The following SPAG16 variants were observed in gnomAD, a reference collection of about 807,000 sequenced individuals.
The protein encoded by SPAG16 is sperm-associated antigen 16 protein.
In SPAG16, 86 loss-of-function variants were observed where a neutral mutation model predicts 80.4. That is an observed-to-expected ratio of 1.07 (90% CI 0.90 to 1.28). The LOEUF (loss-of-function observed/expected upper bound fraction) is 1.28, where lower values mean the gene tolerates loss of function less well. Ranked by LOEUF, SPAG16 falls within the 50% of genes most tolerant of loss-of-function variation. SPAG16 has a pLI of 0.00. For missense variants in SPAG16, 870 were observed against 765.3 expected, an observed-to-expected ratio of 1.14 and a Z score of -1.61; for synonymous variants, 294 against 265.9, an observed-to-expected ratio of 1.11 and a Z score of -1.03.
At chr2:214,323,594 C>T (rs1369967339) in intron 15 of SPAG16, among the ~76,000 whole-genome samples, 3 of 152,130 alleles carry the variant, frequency 2.0e-5, no homozygotes, top group East Asian at 3.8e-4. Context: ...AGGTGTAGTA[C>T]TTAATGAACT....
At chr2:214,091,715 C>T (rs942608754) in intron 13 of SPAG16, among the ~76,000 whole-genome samples, 4 of 152,054 alleles carry the variant, frequency 2.6e-5, no homozygotes, top group Non-Finnish European at 5.9e-5. Flanking sequence ...TTTACTTATG[C>T]ATTTAAATAT....
At chr2:213,476,732 G>T (rs1419416459) in intron 9 of SPAG16, among the ~76,000 whole-genome samples, 1 of 152,194 alleles carries the variant, frequency 6.6e-6, no homozygotes, top group Non-Finnish European at 1.5e-5. Context: ...GTGAGCAGGA[G>T]GGAGCGGGGC....
intron 10 of SPAG16, among the ~76,000 whole-genome samples, chr2:213,592,467 A>C (rs2060731383): frequency 6.6e-6 from 1 of 152,240 alleles, no homozygotes; most frequent in Admixed American, 6.5e-5. Flanking sequence ...TTAGTAAATC[A>C]AACTATTGGT....
chr2:214,096,267 G>T (rs1033924618), intron 13 of SPAG16, among the ~76,000 whole-genome samples: 2 of 136,946 alleles, frequency 1.5e-5, no homozygotes, highest in Admixed American at 7.5e-5. Context: ...AGAGAGGTTG[G>T]TTTTTTTAAT....
intron 15 of SPAG16, among the ~76,000 whole-genome samples, chr2:214,313,566 T>C (rs1466977869): frequency 2.0e-5 from 3 of 152,148 alleles, no homozygotes; most frequent in Admixed American, 1.3e-4. Context: ...ATAGTAAGAA[T>C]TGCATAAATA....
At chr2:214,061,570 A>G (rs1487947993) in intron 13 of SPAG16, among the ~76,000 whole-genome samples, 1 of 152,138 alleles carries the variant, frequency 6.6e-6, no homozygotes, top group Non-Finnish European at 1.5e-5. Context: ...GGGGGTCCTC[A>G]GTTTTTTTCT....
At chr2:213,908,160 A>C (rs1399959061) in intron 11 of SPAG16, among the ~76,000 whole-genome samples, 1 of 152,108 alleles carries the variant, frequency 6.6e-6, no homozygotes, top group Non-Finnish European at 1.5e-5. Context: ...CTAAAGATAA[A>C]AGAGAAAATA....
chr2:213,866,308 A>C (rs1423413687), intron 11 of SPAG16, among the ~76,000 whole-genome samples: 1 of 152,110 alleles, frequency 6.6e-6, no homozygotes, highest in Non-Finnish European at 1.5e-5. Flanking sequence ...CCATTTCACT[A>C]TTTTGAATGC....
At chr2:213,614,881 C>A (rs2061544358) in intron 10 of SPAG16, among the ~76,000 whole-genome samples, 1 of 152,120 alleles carries the variant, frequency 6.6e-6, no homozygotes, top group South Asian at 2.1e-4. Flanking sequence ...CTGGAAGTTC[C>A]ATAACATTTT....
At chr2:214,295,479 T>C (rs1035514197) in intron 15 of SPAG16, among the ~76,000 whole-genome samples, 2 of 152,034 alleles carry the variant, frequency 1.3e-5, no homozygotes, top group East Asian at 1.9e-4. Context: ...CTCCCTAAGC[T>C]CTCCTTAATT....
intron 9 of SPAG16, among the ~76,000 whole-genome samples, chr2:213,488,608 T>C (rs1439909879): frequency 6.6e-6 from 1 of 152,040 alleles, no homozygotes; most frequent in Non-Finnish European, 1.5e-5. Context: ...CAATAGAGCG[T>C]GCTTCCAATT....
chr2:213,577,172 A>G (rs2060155553), intron 10 of SPAG16, among the ~76,000 whole-genome samples: 2 of 152,140 alleles, frequency 1.3e-5, no homozygotes, highest in East Asian at 3.8e-4. Context: ...AGGAATCAAC[A>G]TTATATACTC....
At chr2:214,141,413 G>A (rs1253477863) in intron 14 of SPAG16, among the ~76,000 whole-genome samples, 2 of 150,912 alleles carry the variant, frequency 1.3e-5, no homozygotes, top group Non-Finnish European at 2.9e-5. Flanking sequence ...GTTGCAATGA[G>A]CCCAGATCAG....
intron 4 of SPAG16, 142 bp downstream of exon 4, chr2:213,310,319 AACACACACACACACACACACACACACAC>A (rs59407158): frequency 4.6e-5 from 16 of 347,596 alleles, no homozygotes; most frequent in Admixed American, 1.4e-4. Flanking sequence ...CTGAAACCAC[AACACACACACACACACACACACACACAC>A]ACACACACAC....
chr2:214,138,355 A>T (rs866130961), intron 14 of SPAG16, among the ~76,000 whole-genome samples: 2 of 152,124 alleles, frequency 1.3e-5, no homozygotes, highest in Non-Finnish European at 2.9e-5. Context: ...TTCAAGGCTA[A>T]GTCCCAGTAT....
chr2:213,992,321 T>A (rs952563937), intron 12 of SPAG16, among the ~76,000 whole-genome samples: 2 of 152,162 alleles, frequency 1.3e-5, no homozygotes, highest in Admixed American at 6.6e-5. Flanking sequence ...ACAGTACACC[T>A]TAACTGTTTG....
chr2:214,181,519 G>C (rs1422749478), intron 15 of SPAG16, among the ~76,000 whole-genome samples: 1 of 151,726 alleles, frequency 6.6e-6, no homozygotes, highest in East Asian at 1.9e-4. Flanking sequence ...TGAACACCAT[G>C]AAGAAACATA....
At chr2:213,425,889 A>G (rs1575560036) in intron 9 of SPAG16, among the ~76,000 whole-genome samples, 1 of 152,176 alleles carries the variant, frequency 6.6e-6, no homozygotes, top group Admixed American at 6.5e-5. Context: ...TCCATGGAGT[A>G]ATAGCTGATA....
intron 11 of SPAG16, among the ~76,000 whole-genome samples, chr2:213,886,422 C>A (rs1372250618): frequency 6.6e-6 from 1 of 151,862 alleles, no homozygotes; most frequent in Non-Finnish European, 1.5e-5. Flanking sequence ...AGGAATAGGT[C>A]AGAGAGGACT....
Sources: gnomAD v4.1 joint callset for allele counts (sites outside exome capture counted in the v4.1 genomes callset) on GRCh38, gnomAD v4.1.1 for gene constraint, MANE v1.5 for transcripts, NCBI Gene and HGNC (gene_info 2026-07-23, HGNC 2026-07-21) for gene names.